Variants in BCAR3 observed in about 807,000 individuals in gnomAD.
BCAR3 encodes the protein breast cancer anti-estrogen resistance protein 3.
BCAR3 carries 37 observed loss-of-function variants against 80.1 expected under a neutral mutation model. The ratio of observed to expected loss-of-function variants is 0.46; its 90% confidence interval spans 0.36 to 0.61. The LOEUF is 0.61. BCAR3 is among the 20% of genes least tolerant of loss of function. BCAR3 has a pLI of 0.00. For missense variants in BCAR3, 978 were observed against 1,068.2 expected (o/e 0.92, Z 1.18); for synonymous variants, 389 against 418.9 (o/e 0.93, Z 0.87).
chr1:93,711,766 C>T (rs925860352), intron 2 of BCAR3, among the ~76,000 whole-genome samples: 1 of 152,162 alleles, frequency 6.6e-6, no homozygotes, highest in Admixed American at 6.5e-5. Flanking sequence ...CTTTAGTTGT[C>T]CTCATCTTGT....
chr1:93,611,199 T>A (rs1163146087), intron 3 of BCAR3, among the ~76,000 whole-genome samples: 1 of 152,194 alleles, frequency 6.6e-6, no homozygotes, highest in Non-Finnish European at 1.5e-5. Flanking sequence ...GCAAATGTAA[T>A]GAAGTGATAT....
chr1:93,669,027 T>G (rs959398726), intron 2 of BCAR3, among the ~76,000 whole-genome samples: 7 of 152,168 alleles, frequency 4.6e-5, no homozygotes, highest in African/African-American at 1.7e-4. Flanking sequence ...ATTTTTTTTT[T>G]TAACTCAAAA....
chr1:93,740,212 C>T (rs951166770), intron 2 of BCAR3, among the ~76,000 whole-genome samples: 1 of 152,162 alleles, frequency 6.6e-6, no homozygotes, highest in South Asian at 2.1e-4. Context: ...CACCAAATGC[C>T]GACAACAATG....
At chr1:93,584,878 G>T in intron 5 of BCAR3, 2 of 667,026 alleles carry the variant, frequency 3.0e-6, no homozygotes, top group Non-Finnish European at 3.7e-6. Context: ...AGAGACAGAG[G>T]CACTGCACCA....
chr1:93,635,847 G>T (rs1236231639), intron 3 of BCAR3, among the ~76,000 whole-genome samples: 1 of 152,200 alleles, frequency 6.6e-6, no homozygotes, highest in Non-Finnish European at 1.5e-5. Context: ...TTGTGAGCTG[G>T]CTAATTCAGA....
intron 2 of BCAR3, among the ~76,000 whole-genome samples, chr1:93,766,146 A>G (rs1029306671): frequency 6.6e-6 from 1 of 152,182 alleles, no homozygotes; most frequent in Admixed American, 6.5e-5. Context: ...AGTTTGACCA[A>G]CATCTTTAAA....
rs577220448 is a variant in BCAR3, at chr1:93,820,649, T to A, written c.-63+24918A>T. ...TTGCCTTCCTGACATGTGGATGTGT[T>A]CACCAACCTGGAAGCTCTCTGAATA... On this transcript the variant is annotated intron_variant, in intron 2 of 13. Coordinates refer to the BCAR3 transcript ENST00000370244. 2.2e-4 allele frequency among the ~76,000 whole-genome samples: 34 copies of A among 152,344 alleles called. No homozygotes were observed. In the South Asian group the frequency reaches 6.6e-3, roughly 30 times the overall value.
At chr1:93,749,886 C>CTTTTTTTTTTTTTTTTTTTTTTT (rs754541949) in intron 2 of BCAR3, among the ~76,000 whole-genome samples, 2 of 140,400 alleles carry the variant, frequency 1.4e-5, no homozygotes, top group Non-Finnish European at 1.5e-5. Flanking sequence ...ATGATCTTGA[C>CTTTTTTTTTTTTTTTTTTTTTTT]TTATTTTTTT....
At chr1:93,591,126 A>G (rs999637181) in intron 4 of BCAR3, among the ~76,000 whole-genome samples, 96 of 151,068 alleles carry the variant, frequency 6.4e-4, no homozygotes, top group African/African-American at 2.2e-3. Flanking sequence ...CAAAGTCAGA[A>G]TAATAATTAT....
At chr1:93,604,787 T>C (rs547974145) in intron 3 of BCAR3, among the ~76,000 whole-genome samples, 1 of 152,374 alleles carries the variant, frequency 6.6e-6, no homozygotes, top group Admixed American at 6.5e-5. Context: ...GGTAGAATTC[T>C]AAGCTTGACA....
chr1:93,585,078 A>G (rs1022180536), intron 5 of BCAR3: 2 of 985,370 alleles, frequency 2.0e-6, no homozygotes, highest in Admixed American at 6.1e-5. Flanking sequence ...GGCAAATTAC[A>G]AAAGGAAATA....
intron 2 of BCAR3, among the ~76,000 whole-genome samples, chr1:93,715,643 T>G (rs1650166504): frequency 6.6e-6 from 1 of 152,168 alleles, no homozygotes; most frequent in African/African-American, 2.4e-5. Flanking sequence ...CAGCAGACAC[T>G]CGAAACTATT....
chr1:93,672,102 A>G (rs1648238264), intron 2 of BCAR3, among the ~76,000 whole-genome samples: 1 of 152,098 alleles, frequency 6.6e-6, no homozygotes, highest in Non-Finnish European at 1.5e-5. Context: ...TCATAAACAA[A>G]CCCTAAACCA....
chr1:93,730,974 C>T (rs761052365), intron 2 of BCAR3, among the ~76,000 whole-genome samples: 1 of 152,240 alleles, frequency 6.6e-6, no homozygotes, highest in Non-Finnish European at 1.5e-5. Context: ...GCCCTTGGTA[C>T]ATTGTGATGA....
rs1266337338 is a variant in BCAR3 at position 93,582,896 on chromosome 1, G to T, written c.1091C>A (p.Pro364His). 6.2e-7 allele frequency: 1 copy of T among 1,607,582 alleles called. No individual in the cohort carries two copies. Among genetic ancestry groups the T allele is most frequent in the Non-Finnish European group, 8.5e-7 (1 of 1,179,712 alleles). The change falls in exon 7 of 12, where the codon CCT becomes CAT. Residue 364 changes from proline (P) to histidine (H), a missense_variant. Physicochemically the swap from Pro to His is moderately conservative, Grantham distance 77 (BLOSUM62 -2). Coordinates refer to ENST00000260502, the MANE Select transcript of BCAR3 (RefSeq NM_003567.4). The stretch of plus-strand genomic sequence containing the variant: ...AGGCTCGCTTCCCGTCCTGAACACA[G>T]GTGAGTTTGGGCAGGGGCTTGTGTC... ...GVDTSPCPNS[P>H]VFRTGSEPAL...
At chr1:93,674,963 G>A in intron 1 of BCAR3, 22 bp from the exon 2 acceptor site, 2 of 1,503,838 alleles carry the variant, frequency 1.3e-6, no homozygotes, top group South Asian at 1.3e-5. Flanking sequence ...AGAAAAGAGT[G>A]AAGGTATAAA....
upstream of BCAR3, among the ~76,000 whole-genome samples, chr1:93,683,438 A>T (rs947598874): frequency 2.0e-5 from 3 of 152,216 alleles, no homozygotes; most frequent in Non-Finnish European, 4.4e-5. Flanking sequence ...TGACCCAGCA[A>T]TTCCACCCCT....
intron 2 of BCAR3, among the ~76,000 whole-genome samples, chr1:93,806,890 G>A (rs1458561860): frequency 6.6e-6 from 1 of 152,110 alleles, no homozygotes; most frequent in Non-Finnish European, 1.5e-5. Context: ...AGCAAAGGTG[G>A]GCAGATCTGA....
chr1:93,777,381 T>TTCC (rs1652595372), intron 2 of BCAR3, among the ~76,000 whole-genome samples: 2 of 142,300 alleles, frequency 1.4e-5, no homozygotes, highest in South Asian at 2.2e-4. Context: ...CTTCCTCCTC[T>TTCC]TCTTCTTCCT....
Sources: allele counts gnomAD v4.1 joint callset (sites outside exome capture counted in the v4.1 genomes callset), GRCh38; gene constraint gnomAD v4.1.1; transcripts MANE v1.5; gene names NCBI Gene and HGNC (gene_info 2026-07-23, HGNC 2026-07-21).